Variants in WDR1 observed in about 807,000 individuals in gnomAD.
WDR1 encodes the protein WD repeat-containing protein 1.
WDR1 carries 21 observed loss-of-function variants against 71.9 expected under a neutral mutation model. That is an observed-to-expected ratio of 0.29 (90% CI 0.21 to 0.42). WDR1 has a LOEUF of 0.42. Among genes scored for constraint, WDR1 ranks in the 10% least tolerant of loss-of-function variants. The pLI, the probability that WDR1 is intolerant of heterozygous loss-of-function variation, is 1.00. For missense variants in WDR1, 696 were observed against 824.5 expected, an observed-to-expected ratio of 0.84 and a Z score of 1.91; for synonymous variants, 424 against 347.4, an observed-to-expected ratio of 1.22 and a Z score of -2.45.
In WDR1 at chr4:10,110,756, C is replaced by A. The variant is rs193252541; in HGVS notation, c.138+5357G>T. On this transcript the variant is annotated intron_variant, in intron 2 of 14. Transcript: ENST00000499869. Reference sequence around the variant, plus strand: ...ACCAGAGTTTTCAACCTTGGTACCCCTGGCATTTGGGGCTGGACAGTTCTT... The same window carrying A: ...ACCAGAGTTTTCAACCTTGGTACCCATGGCATTTGGGGCTGGACAGTTCTT... 1.4e-4 allele frequency among the ~76,000 whole-genome samples: 21 copies of A among 152,350 alleles called. No homozygotes were observed. The East Asian group carries it at 2.5e-3, about 18-fold the overall frequency.
chr4:10,112,623 C>T (rs1313539443), intron 2 of WDR1, among the ~76,000 whole-genome samples: 1 of 152,226 alleles, frequency 6.6e-6, no homozygotes, highest in Admixed American at 6.5e-5. Flanking sequence ...GCTCCAAGTG[C>T]AAAGCTGGCA....
At position 10,087,701 on chromosome 4, in the gene WDR1, C is replaced by T; in HGVS notation, c.951+6G>A. On this transcript the variant is annotated splice_donor_region_variant and intron_variant, in intron 8 of 14. Coordinates refer to ENST00000499869, the MANE Select transcript of WDR1 (RefSeq NM_017491.5). ...CGGGCAGAGCCTTCCCCAGGGCAGG[C>T]CTTACCTTGATGACGTGCAGGGGCT... 6.3e-7 allele frequency: 1 copy of T among 1,580,142 alleles called. No homozygotes were observed. The highest frequency in any genetic ancestry group is 8.6e-7 in the Non-Finnish European group (1 of 1,162,254).
Position 10,116,240 on chromosome 4 carries a change from G to T in WDR1, c.17-6C>A. ...GAGGCTGGCGAACACCTTCTCTGCG[G>T]AGACACAAATGCGGCGGGGCATGTC... On this transcript the variant is annotated splice_region_variant and splice_polypyrimidine_tract_variant and intron_variant, in intron 1 of 14. Transcript: ENST00000499869. 6.2e-7 allele frequency: 1 copy of T among 1,613,366 alleles called. No homozygotes were observed. Among genetic ancestry groups the T allele is most frequent in the Non-Finnish European group, 8.5e-7 (1 of 1,179,796 alleles).
Position 10,105,823 on chromosome 4 carries a change from A to G in WDR1, c.139-1837T>C, listed in dbSNP as rs899143247. On this transcript the variant is annotated intron_variant, in intron 2 of 14. Coordinates refer to ENST00000499869, the MANE Select transcript of WDR1 (RefSeq NM_017491.5). ...GTGTCCACCAAAAGACACAGGAGCAATGTTCACAGAAGCTTTCTTTGCAAT... is the reference window on the plus strand; with the variant it reads ...GTGTCCACCAAAAGACACAGGAGCAGTGTTCACAGAAGCTTTCTTTGCAAT... 9.2e-5 allele frequency among the ~76,000 whole-genome samples: 14 copies of G among 152,338 alleles called. No individual in the cohort carries two copies. The East Asian group carries it at 2.7e-3, about 29-fold the overall frequency.
chr4:10,108,740 G>A (rs938215447), intron 2 of WDR1, among the ~76,000 whole-genome samples: 1 of 152,202 alleles, frequency 6.6e-6, no homozygotes, highest in Non-Finnish European at 1.5e-5. Context: ...AAACTTCTGC[G>A]ACAACACAAC....
intron 5 of WDR1, among the ~76,000 whole-genome samples, chr4:10,091,033 GC>G (rs1442878485): frequency 1.3e-5 from 2 of 152,256 alleles, no homozygotes; most frequent in African/African-American, 2.4e-5. Flanking sequence ...GGGCTGGCGA[GC>G]CCTTTGCCTG....
intron 10 of WDR1, 92 bp from the exon 11 acceptor site, chr4:10,081,536 C>A: frequency 1.7e-6 from 2 of 1,211,008 alleles, no homozygotes; most frequent in South Asian, 2.5e-5. Flanking sequence ...CAGTTTTGCT[C>A]CTTAGAAGGC....
intron 2 of WDR1, 74 bp downstream of exon 2, chr4:10,116,039 T>G: frequency 1.3e-6 from 2 of 1,553,244 alleles, no homozygotes; most frequent in African/African-American, 1.4e-5. Context: ...AGGTGAGAAG[T>G]GGAGAGGAAG....
chr4:10,088,031 G>A, intron 7 of WDR1, 91 bp from the exon 8 acceptor site: 3 of 1,276,086 alleles, frequency 2.4e-6, no homozygotes, highest in Non-Finnish European at 3.2e-6. Flanking sequence ...GACTGTTTGA[G>A]TAGGACAGAA....
chr4:10,116,321 G>T, intron 1 of WDR1, 87 bp from the exon 2 acceptor site: 4 of 1,579,244 alleles, frequency 2.5e-6, no homozygotes, highest in Non-Finnish European at 2.6e-6. Flanking sequence ...GACCGGTCTC[G>T]GCCGGTCACC....
At chr4:10,076,837 G>A (rs1340268834) in intron 14 of WDR1, 2 of 163,808 alleles carry the variant, frequency 1.2e-5, no homozygotes, top group East Asian at 1.8e-4. Flanking sequence ...ATGGCCACGC[G>A]GGGACATCAC....
intron 10 of WDR1, among the ~76,000 whole-genome samples, chr4:10,082,727 G>A (rs1765065390): frequency 6.6e-6 from 1 of 152,234 alleles, no homozygotes; most frequent in South Asian, 2.1e-4. Flanking sequence ...AAGGGACACA[G>A]GGAGAGACCG....
intron 5 of WDR1, chr4:10,092,484 GCCTCCC>G: frequency 3.3e-5 from 5 of 153,714 alleles, no homozygotes; most frequent in Admixed American, 6.4e-5. Flanking sequence ...CTCTGCCGAC[GCCTCCC>G]ACAGGCTCTG....
intron 2 of WDR1, among the ~76,000 whole-genome samples, chr4:10,109,701 T>A (rs965240274): frequency 6.6e-6 from 1 of 152,224 alleles, no homozygotes; most frequent in Admixed American, 6.5e-5. Flanking sequence ...GTTTTCAGTC[T>A]TCCCCTCTCC....
chr4:10,085,797 AC>A (rs1765186523), intron 8 of WDR1, among the ~76,000 whole-genome samples: 1 of 152,190 alleles, frequency 6.6e-6, no homozygotes, highest in African/African-American at 2.4e-5. Flanking sequence ...CTGGGCTGAT[AC>A]CTGCTGCTCC....
chr4:10,082,891 G>T, intron 10 of WDR1, 131 bp downstream of exon 10: 3 of 1,211,542 alleles, frequency 2.5e-6, no homozygotes, highest in Non-Finnish European at 3.4e-6. Flanking sequence ...GGAGAACAAT[G>T]CTGGGGACGG....
chr4:10,109,378 G>T (rs1202380100), intron 2 of WDR1, among the ~76,000 whole-genome samples: 1 of 152,226 alleles, frequency 6.6e-6, no homozygotes, highest in Non-Finnish European at 1.5e-5. Context: ...CATATGTGGC[G>T]GCCTTTACTC....
intron 3 of WDR1, among the ~76,000 whole-genome samples, chr4:10,103,597 G>A (rs913549241): frequency 5.3e-5 from 8 of 151,842 alleles, no homozygotes; most frequent in Non-Finnish European, 1.0e-4. Context: ...AAAAAGAAAA[G>A]AAAAAAAACC....
Position 10,108,735 on chromosome 4 carries a change from T to C in WDR1, c.139-4749A>G, listed in dbSNP as rs570352155. 2.0e-5 allele frequency among the ~76,000 whole-genome samples: 3 copies of C among 152,338 alleles called. No individual in the cohort carries two copies. In the South Asian group the frequency reaches 6.2e-4, roughly 32 times the overall value. ...CAGCTCCAAAGCAGGAATGTAAACTTCTGCGACAACACAACGCCTTCTCCT... is the reference window on the plus strand; with the variant it reads ...CAGCTCCAAAGCAGGAATGTAAACTCCTGCGACAACACAACGCCTTCTCCT... On this transcript the variant is annotated intron_variant, in intron 2 of 14. Transcript: ENST00000499869.
Sources: allele counts gnomAD v4.1 joint callset (sites outside exome capture counted in the v4.1 genomes callset), GRCh38; gene constraint gnomAD v4.1.1; transcripts MANE v1.5; gene names NCBI Gene and HGNC (gene_info 2026-07-23, HGNC 2026-07-21).